SLC2A14: variants seen among roughly 807,000 people sequenced by gnomAD.
SLC2A14 encodes solute carrier family 2, facilitated glucose transporter member 14.
SLC2A14 carries 13 observed loss-of-function variants against 43.0 expected under a neutral mutation model. The ratio of observed to expected loss-of-function variants is 0.30; its 90% CI spans 0.20 to 0.48. The LOEUF (loss-of-function observed/expected upper bound fraction) is 0.48, where lower values mean the gene tolerates loss of function less well. SLC2A14 is among the 20% of genes least tolerant of loss of function. The pLI is 0.99. For missense variants in SLC2A14, 428 were observed against 620.4 expected (o/e 0.69, Z 3.29); for synonymous variants, 190 against 233.8 (o/e 0.81, Z 1.71).
intron 2 of SLC2A14, among the ~76,000 whole-genome samples, chr12:7,836,492 T>C (rs773289711): frequency 1.3e-5 from 2 of 152,238 alleles, no homozygotes; most frequent in East Asian, 3.9e-4. Flanking sequence ...ACTGCTGGGA[T>C]TACAGGCGTG....
At chr12:7,874,841 G>GTATTTATATATAAATTATATATAAATACA (rs1945405537), upstream of SLC2A14, among the ~76,000 whole-genome samples, 1 of 68,642 alleles carries the variant, frequency 1.5e-5, no homozygotes, top group Non-Finnish European at 2.8e-5. Context: ...ATATAAATAC[G>GTATTTATATATAAATTATATATAAATACA]TATTTATATA....
At chr12:7,853,740 T>C (rs1489897624) in intron 2 of SLC2A14, among the ~76,000 whole-genome samples, 3 of 152,156 alleles carry the variant, frequency 2.0e-5, no homozygotes, top group African/African-American at 7.2e-5. Context: ...CTACCTTATA[T>C]GGCATATGAC....
intron 10 of SLC2A14, among the ~76,000 whole-genome samples, chr12:7,815,369 G>A (rs1863345533): frequency 6.6e-6 from 1 of 152,108 alleles, no homozygotes; most frequent in African/African-American, 2.4e-5. Flanking sequence ...TGAGCCGAGA[G>A]TGAGCCACTG....
intron 2 of SLC2A14, among the ~76,000 whole-genome samples, chr12:7,840,495 T>C (rs1865861222): frequency 2.0e-5 from 3 of 152,030 alleles, no homozygotes; most frequent in Non-Finnish European, 4.4e-5. Context: ...TTCTCCTGCC[T>C]CAGCCTCCAG....
At chr12:7,854,426 T>A (rs1867185590) in intron 2 of SLC2A14, among the ~76,000 whole-genome samples, 1 of 152,202 alleles carries the variant, frequency 6.6e-6, no homozygotes, top group African/African-American at 2.4e-5. Flanking sequence ...AAACTGTCCC[T>A]TGATCTACTG....
chr12:7,876,912 T>G (rs1250513233), upstream of SLC2A14, among the ~76,000 whole-genome samples: 1 of 152,136 alleles, frequency 6.6e-6, no homozygotes, highest in African/African-American at 2.4e-5. Context: ...CATATAATTT[T>G]TTTTTCTGTC....
In SLC2A14 at chr12:7,821,948, C is replaced by G. The variant is rs368700325; in HGVS notation, c.865-623G>C. ...CAAGCGATTCTCCTGCCTCAGCCTC[C>G]CAAGTAGCTGGGATTACAGGCATGT... On this transcript the variant is annotated intron_variant, in intron 7 of 10. Coordinates refer to ENST00000431042, the MANE Select transcript of SLC2A14 (RefSeq NM_001286234.2). 5.7e-3 allele frequency among the ~76,000 whole-genome samples: 870 copies of G among 151,550 alleles called. 12 individuals carry two copies. Among genetic ancestry groups the G allele is most frequent in the African/African-American group, 0.02 (835 of 41,310 alleles).
chr12:7,861,688 C>A (rs1186010207), intron 2 of SLC2A14, among the ~76,000 whole-genome samples: 1 of 152,050 alleles, frequency 6.6e-6, no homozygotes, highest in African/African-American at 2.4e-5. Context: ...ACAGGCCATG[C>A]GCGGAGGCTC....
chr12:7,830,418 TG>T (rs1190640064), intron 4 of SLC2A14, among the ~76,000 whole-genome samples: 8 of 152,318 alleles, frequency 5.3e-5, no homozygotes, highest in East Asian at 1.9e-4. Context: ...CCCAAAGTGT[TG>T]GGATTGCAGG....
chr12:7,877,739 C>T (rs1452528781), upstream of SLC2A14, among the ~76,000 whole-genome samples: 4 of 151,818 alleles, frequency 2.6e-5, no homozygotes, highest in Admixed American at 6.6e-5. Context: ...AATTGTTTTA[C>T]ATTTTTGTTT....
chr12:7,867,320 T>C (rs1369524993), intron 2 of SLC2A14, among the ~76,000 whole-genome samples: 4 of 147,458 alleles, frequency 2.7e-5, no homozygotes, highest in Admixed American at 2.7e-4. Flanking sequence ...CATTCGTGAT[T>C]CATGGGAGGA....
At chr12:7,840,634 C>A (rs372808644) in intron 2 of SLC2A14, among the ~76,000 whole-genome samples, 32 of 152,296 alleles carry the variant, frequency 2.1e-4, no homozygotes, top group East Asian at 1.5e-3. Flanking sequence ...GATCCGCCCA[C>A]CTGGGCCTCC....
At chr12:7,868,718 G>A (rs1313201579) in intron 2 of SLC2A14, among the ~76,000 whole-genome samples, 1 of 152,140 alleles carries the variant, frequency 6.6e-6, no homozygotes, top group East Asian at 1.9e-4. Flanking sequence ...AAAAGAATAT[G>A]TCTGGTCAGG....
chr12:7,888,771 C>T (rs935404841), intron 1 of SLC2A14, among the ~76,000 whole-genome samples: 5 of 130,086 alleles, frequency 3.8e-5, no homozygotes, highest in Non-Finnish European at 7.7e-5. Flanking sequence ...GCACTCTAGC[C>T]TGGGCAACAG....
intron 1 of SLC2A14, among the ~76,000 whole-genome samples, chr12:7,889,827 C>T (rs1290226153): frequency 2.6e-5 from 4 of 152,174 alleles, no homozygotes; most frequent in South Asian, 2.1e-4. Context: ...TGAGCCTGGT[C>T]GTCTGGTTGC....
chr12:7,871,082 AG>A lies in SLC2A14; in HGVS notation c.-57-1146del. On this transcript the variant is annotated intron_variant, in intron 1 of 10. Transcript: ENST00000431042. ...GAATACCTGCAGGGCATGATGAGCGAGGCCCCAGGGCCCATCAACTTCACCA... is the reference window on the plus strand; with the variant it reads ...GAATACCTGCAGGGCATGATGAGCGAGCCCCAGGGCCCATCAACTTCACCA... 2.2e-6 allele frequency: 3 copies of A among 1,382,650 alleles called. No homozygotes were observed. In the South Asian group the frequency reaches 3.7e-5, roughly 17 times the overall value. The allele number at this position is 1,382,650 out of a possible 1,614,324, so 85.6% of individuals were successfully genotyped here. A position where few individuals can be genotyped will look rare whatever the true frequency, so the allele number is the denominator to read the frequency against.
chr12:7,866,282 A>G (rs1302011727), intron 2 of SLC2A14, among the ~76,000 whole-genome samples: 1 of 151,886 alleles, frequency 6.6e-6, no homozygotes, highest in African/African-American at 2.4e-5. Context: ...ATATGGAGAA[A>G]GTTTTAGTGG....
intron 2 of SLC2A14, among the ~76,000 whole-genome samples, chr12:7,835,256 G>A (rs1417747529): frequency 3.3e-5 from 5 of 152,150 alleles, no homozygotes; most frequent in African/African-American, 9.7e-5. Context: ...CCGTGATGGC[G>A]TGCGCCTGTA....
At chr12:7,841,065 G>A (rs1281334470) in intron 2 of SLC2A14, among the ~76,000 whole-genome samples, 1 of 152,166 alleles carries the variant, frequency 6.6e-6, no homozygotes, top group African/African-American at 2.4e-5. Context: ...AAGTTCTCAT[G>A]GTGGTGAAGC....
Sources: allele counts gnomAD v4.1 joint callset (sites outside exome capture counted in the v4.1 genomes callset), GRCh38; gene constraint gnomAD v4.1.1; transcripts MANE v1.5; gene names NCBI Gene and HGNC (gene_info 2026-07-23, HGNC 2026-07-21).